The following SCGN variants were observed in gnomAD, a reference collection of about 807,000 sequenced individuals.
The protein encoded by SCGN is secretagogin.
In SCGN, 30 loss-of-function variants were observed where a neutral mutation model predicts 39.7. The observed-to-expected ratio is 0.76, with a 90% CI of 0.57 to 1.03. The LOEUF (loss-of-function observed/expected upper bound fraction) is 1.03, where lower values mean the gene tolerates loss of function less well. Among genes scored for constraint, SCGN ranks in the 50% least tolerant of loss-of-function variants. The pLI, the probability that SCGN is intolerant of heterozygous loss-of-function variation, is 0.00. For missense variants in SCGN, 353 were observed against 349.4 expected (o/e 1.01, Z -0.08); for synonymous variants, 106 against 114.1 (o/e 0.93, Z 0.45).
chr6:25,697,097 T>C (rs941956181), intron 10 of SCGN, among the ~76,000 whole-genome samples: 13 of 152,222 alleles, frequency 8.5e-5, no homozygotes, highest in African/African-American at 3.1e-4. Flanking sequence ...TCCCAGTATC[T>C]GAGCAGACGT....
intron 2 of SCGN, among the ~76,000 whole-genome samples, chr6:25,655,233 C>T (rs993495783): frequency 3.3e-5 from 5 of 152,220 alleles, no homozygotes; most frequent in African/African-American, 9.7e-5. Flanking sequence ...GAACTTCTCA[C>T]CTTTTCAGAG....
chr6:25,695,743 C>G (rs571225787), intron 10 of SCGN, among the ~76,000 whole-genome samples: 114 of 152,184 alleles, frequency 7.5e-4, no homozygotes, highest in Non-Finnish European at 1.4e-3. Context: ...GTTGGCCAGA[C>G]TTGTCTCAAA....
At chr6:25,659,106 T>C (rs1468125929) in intron 2 of SCGN, among the ~76,000 whole-genome samples, 2 of 152,170 alleles carry the variant, frequency 1.3e-5, no homozygotes, top group African/African-American at 4.8e-5. Context: ...GGGGCTGAGG[T>C]CTAGCATAAT....
chr6:25,684,824 A>G (rs1759684300), intron 7 of SCGN, among the ~76,000 whole-genome samples: 1 of 152,122 alleles, frequency 6.6e-6, no homozygotes, highest in Admixed American at 6.5e-5. Flanking sequence ...AAGAAAGGAA[A>G]AAAAAGATAT....
chr6:25,700,266 T>G (rs1383092076), intron 10 of SCGN, among the ~76,000 whole-genome samples: 1 of 150,526 alleles, frequency 6.6e-6, no homozygotes, highest in Non-Finnish European at 1.5e-5. Context: ...AAAAAAATTT[T>G]GGGCCAGTAA....
chr6:25,686,828 T>C (rs1759711852), intron 7 of SCGN, among the ~76,000 whole-genome samples: 1 of 152,186 alleles, frequency 6.6e-6, no homozygotes, highest in Non-Finnish European at 1.5e-5. Context: ...ATATAAACTA[T>C]AAAGTTTCTG....
At chr6:25,687,672 G>GA (rs1398430900) in intron 7 of SCGN, among the ~76,000 whole-genome samples, 1 of 151,944 alleles carries the variant, frequency 6.6e-6, no homozygotes, top group African/African-American at 2.4e-5. Flanking sequence ...GCTTTTAATG[G>GA]AGTATTTAAT....
intron 4 of SCGN, among the ~76,000 whole-genome samples, chr6:25,668,910 GA>G (rs1308492671): frequency 6.6e-6 from 1 of 152,158 alleles, no homozygotes; most frequent in Admixed American, 6.5e-5. Flanking sequence ...AGCAGATCGA[GA>G]CCATCCTGGC....
Position 25,670,044 on chromosome 6 carries a change from G to T in SCGN, c.439G>T (p.Glu147Ter). 6.2e-7 allele frequency: 1 copy of T among 1,613,646 alleles called. No homozygotes were observed. The highest frequency in any genetic ancestry group is 8.5e-7 in the Non-Finnish European group (1 of 1,179,750). Residue 147 changes from glutamate (E) to a stop codon, truncating the protein, a stop_gained, in exon 6 of 11, where the codon GAG (glutamate) becomes TAG (stop). Transcript: ENST00000377961. LOFTEE classifies it high-confidence loss of function. ...TCTTCACCACAAAAAGGCCATTTCT[G>T]AGGCTAAACTGGAAGAATACACTGG... Reference protein sequence around the residue: ...LFLHHKKAISEAKLEEYTGTM... With the variant: ...LFLHHKKAIS
chr6:25,660,400 T>C (rs997953004), intron 2 of SCGN, among the ~76,000 whole-genome samples: 5 of 152,200 alleles, frequency 3.3e-5, no homozygotes, highest in Non-Finnish European at 7.3e-5. Flanking sequence ...TTGCTGACTA[T>C]AATATCACCA....
intron 2 of SCGN, among the ~76,000 whole-genome samples, chr6:25,653,678 T>G (rs1252984894): frequency 6.6e-6 from 1 of 152,216 alleles, no homozygotes; most frequent in Non-Finnish European, 1.5e-5. Flanking sequence ...GTAACATCTG[T>G]CATCCACTCA....
chr6:25,668,995 C>T (rs1759448049), intron 4 of SCGN, among the ~76,000 whole-genome samples: 1 of 151,724 alleles, frequency 6.6e-6, no homozygotes, highest in African/African-American at 2.4e-5. Flanking sequence ...CCTGTAGTCC[C>T]AGCTATTAGG....
chr6:25,670,475 T>C (rs1014171148), intron 6 of SCGN, among the ~76,000 whole-genome samples: 3 of 152,190 alleles, frequency 2.0e-5, no homozygotes, highest in African/African-American at 7.2e-5. Flanking sequence ...GCATGTTGAT[T>C]TAGTGCAGTT....
At position 25,661,546 on chromosome 6, in the gene SCGN, T is replaced by A. The variant is rs376798394; in HGVS notation, c.154-6T>A. Reference sequence around the variant, plus strand: ...CTTTAATGTGGCTCTGTTTGGTCAATTGCAGGACACGGTCATGAAAGCAAA... The same window carrying A: ...CTTTAATGTGGCTCTGTTTGGTCAAATGCAGGACACGGTCATGAAAGCAAA... On this transcript the variant is annotated splice_region_variant and splice_polypyrimidine_tract_variant and intron_variant, in intron 2 of 10. Transcript: ENST00000377961. The A allele has an allele frequency of 1.2e-6, 2 of 1,609,812 alleles. No homozygotes were observed. Among genetic ancestry groups the A allele is most frequent in the African/African-American group, 2.7e-5 (2 of 74,850 alleles).
At chr6:25,699,589 CAAA>C (rs35915067) in intron 10 of SCGN, among the ~76,000 whole-genome samples, 3 of 53,824 alleles carry the variant, frequency 5.6e-5, no homozygotes, top group African/African-American at 6.7e-5. Flanking sequence ...AACTCTGTCT[CAAA>C]AAAAAAAAAA....
intron 10 of SCGN, among the ~76,000 whole-genome samples, chr6:25,692,017 T>A (rs1473511823): frequency 6.6e-6 from 1 of 152,248 alleles, no homozygotes; most frequent in Admixed American, 6.5e-5. Flanking sequence ...CTTTCTGACA[T>A]CTAATCAGCC....
intron 6 of SCGN, among the ~76,000 whole-genome samples, chr6:25,676,211 T>C (rs1225808883): frequency 6.6e-6 from 1 of 152,232 alleles, no homozygotes; most frequent in Non-Finnish European, 1.5e-5. Flanking sequence ...CTCAACTGAA[T>C]TGCAAGATGC....
intron 10 of SCGN, among the ~76,000 whole-genome samples, chr6:25,696,875 G>A (rs908313656): frequency 3.3e-5 from 5 of 152,108 alleles, no homozygotes; most frequent in African/African-American, 9.7e-5. Context: ...GCCATCTCTT[G>A]GGTGATGAAA....
intron 2 of SCGN, among the ~76,000 whole-genome samples, chr6:25,654,277 G>A (rs997356148): frequency 5.3e-5 from 8 of 152,174 alleles, no homozygotes; most frequent in African/African-American, 1.9e-4. Flanking sequence ...GCTCAGTGAG[G>A]GAACAAGGAG....
Sources: gnomAD v4.1 joint callset for allele counts (sites outside exome capture counted in the v4.1 genomes callset) on GRCh38, gnomAD v4.1.1 for gene constraint, MANE v1.5 for transcripts, NCBI Gene and HGNC (gene_info 2026-07-23, HGNC 2026-07-21) for gene names.